Variants in ANK3 observed in about 807,000 individuals in gnomAD.
ANK3 encodes ankyrin 3.
A neutral mutation model predicts 370.9 loss-of-function variants in ANK3; 57 were observed. The observed-to-expected ratio is 0.15, with a 90% CI of 0.12 to 0.19. The LOEUF (loss-of-function observed/expected upper bound fraction) is 0.19. ANK3 is among the 10% of genes least tolerant of loss of function. The pLI, the probability that ANK3 is intolerant of heterozygous loss-of-function variation, is 1.00. For synonymous variants in ANK3, 1,929 were observed against 1,946.3 expected (o/e 0.99, Z 0.23); for missense variants, 4,439 against 5,302.1 (o/e 0.84, Z 5.06).
intron 23 of ANK3, among the ~76,000 whole-genome samples, chr10:60,142,303 C>T (rs543592851): frequency 1.9e-4 from 29 of 152,128 alleles, no homozygotes; most frequent in Non-Finnish European, 3.8e-4. Flanking sequence ...ATGAACTTCT[C>T]TAATCTTTGA....
At chr10:60,312,824 T>C (rs183014459) in intron 1 of ANK3, among the ~76,000 whole-genome samples, 1 of 152,376 alleles carries the variant, frequency 6.6e-6, no homozygotes, top group African/African-American at 2.4e-5. Flanking sequence ...TTCCTTTCCA[T>C]GCAGCAACAA....
At chr10:60,328,681 T>A (rs1381545952) in intron 1 of ANK3, among the ~76,000 whole-genome samples, 2 of 152,186 alleles carry the variant, frequency 1.3e-5, no homozygotes, top group African/African-American at 4.8e-5. Context: ...CAGGACCAGA[T>A]GAATTCACAG....
intron 40 of ANK3, 120 bp from the exon 41 acceptor site, chr10:60,059,550 G>A: frequency 8.1e-7 from 1 of 1,228,120 alleles, no homozygotes; most frequent in Non-Finnish European, 1.2e-6. Flanking sequence ...CTCAAATAGA[G>A]ATTTGAGTTT....
rs942901547 is a variant in ANK3 at position 60,549,123 on chromosome 10, G to T, written c.96+66063C>A. On this transcript the variant is annotated intron_variant, in intron 2 of 43. Coordinates refer to the ANK3 transcript ENST00000373827. ...CAATAATTGCTACACAAATGAGTGA[G>T]AGAAGGGCATGTTTCATACACACAC... Among the ~76,000 whole-genome samples, 3 of 144,282 alleles carry T rather than the reference G, an allele frequency of 2.1e-5. No individual in the cohort carries two copies. The East Asian group carries it at 6.3e-4, about 30-fold the overall frequency. 94.7% of individuals were successfully genotyped at this position (144,282 alleles called of 152,430 possible). A position where few individuals can be genotyped will look rare whatever the true frequency, so the allele number is the denominator to read the frequency against.
chr10:60,621,220 G>A (rs952357131), intron 1 of ANK3, among the ~76,000 whole-genome samples: 14 of 152,206 alleles, frequency 9.2e-5, no homozygotes, highest in African/African-American at 3.4e-4. Flanking sequence ...CACCTGCCAA[G>A]ATGTTGAAGA....
chr10:60,676,823 T>C (rs934629564), intron 1 of ANK3, among the ~76,000 whole-genome samples: 5 of 152,166 alleles, frequency 3.3e-5, no homozygotes, highest in African/African-American at 1.2e-4. Flanking sequence ...CTAGTGTTCT[T>C]TAGCACAGTA....
chr10:60,695,299 A>G (rs2079429089), intron 1 of ANK3, among the ~76,000 whole-genome samples: 1 of 151,976 alleles, frequency 6.6e-6, no homozygotes, highest in Admixed American at 6.6e-5. Context: ...CACATTAATA[A>G]TGGGAGACTT....
intron 2 of ANK3, among the ~76,000 whole-genome samples, chr10:60,469,659 G>A (rs1329883765): frequency 2.6e-4 from 1 of 3,834 alleles, no homozygotes; most frequent in Non-Finnish European, 4.9e-4. Context: ...ATATATGGTG[G>A]TATATATATA....
chr10:60,128,528 C>T (rs1485525626), intron 25 of ANK3, among the ~76,000 whole-genome samples: 1 of 151,970 alleles, frequency 6.6e-6, no homozygotes, highest in Non-Finnish European at 1.5e-5. Flanking sequence ...TACAGGCGTG[C>T]ACCACTACCA....
At chr10:60,602,797 T>C (rs2078081792) in intron 2 of ANK3, among the ~76,000 whole-genome samples, 1 of 152,178 alleles carries the variant, frequency 6.6e-6, no homozygotes, top group Admixed American at 6.5e-5. Context: ...ATCATCATGA[T>C]ATCAAAAATA....
rs1232018942 is a variant in ANK3 at position 60,583,503 on chromosome 10, GGTTTTTT to G, written c.96+31676_96+31682del. Among the ~76,000 whole-genome samples, 14 of 147,240 alleles carry G rather than the reference GGTTTTTT, an allele frequency of 9.5e-5. 4 individuals carry two copies. In the East Asian group the frequency reaches 1.3e-3, roughly 13 times the overall value. On this transcript the variant is annotated intron_variant, in intron 2 of 43. Coordinates refer to the ANK3 transcript ENST00000373827. ...TATATTTCCATATAGCTTACAGAGA[GGTTTTTT>G]GTTTTTTGTTTTTTGTTTTTTTTTG...
intron 2 of ANK3, among the ~76,000 whole-genome samples, chr10:60,553,674 G>A (rs568440475): frequency 1.3e-5 from 2 of 152,254 alleles, no homozygotes; most frequent in East Asian, 3.9e-4. Flanking sequence ...CCTGGGGCAG[G>A]GGGAGGAGGT....
intron 2 of ANK3, among the ~76,000 whole-genome samples, chr10:60,500,848 A>C (rs913688242): frequency 6.6e-6 from 1 of 152,212 alleles, no homozygotes; most frequent in South Asian, 2.1e-4. Flanking sequence ...CTCACCTTGA[A>C]ATCTGTCACA....
At chr10:60,510,420 G>A (rs1243587144) in intron 2 of ANK3, among the ~76,000 whole-genome samples, 3 of 152,124 alleles carry the variant, frequency 2.0e-5, no homozygotes, top group African/African-American at 7.2e-5. Flanking sequence ...CATGTGCCAA[G>A]TACAATACTA....
At chr10:60,716,814 C>A (rs990028040) in intron 1 of ANK3, among the ~76,000 whole-genome samples, 1 of 152,160 alleles carries the variant, frequency 6.6e-6, no homozygotes, top group Non-Finnish European at 1.5e-5. Context: ...CTGTGCCCAG[C>A]CTTCATCAAT....
intron 1 of ANK3, among the ~76,000 whole-genome samples, chr10:60,328,612 A>T (rs920913691): frequency 1.3e-4 from 20 of 152,198 alleles, no homozygotes; most frequent in South Asian, 4.1e-4. Flanking sequence ...CCCTGAATGG[A>T]CCAATAACAA....
At chr10:60,608,961 A>G (rs1422167539) in intron 2 of ANK3, among the ~76,000 whole-genome samples, 2 of 152,136 alleles carry the variant, frequency 1.3e-5, no homozygotes, top group Non-Finnish European at 2.9e-5. Flanking sequence ...TTATACTTTA[A>G]CATTTTTTTA....
In ANK3 at chr10:60,319,027, T is replaced by C. The variant is rs577602368; in HGVS notation, c.115-39388A>G. ...CAGCAGCGCCTTGCAGAGCCTAATG[T>C]ACTTGGTAATGAGGACTTGCACTCT... On this transcript the variant is annotated intron_variant, in intron 1 of 43. Transcript: ENST00000280772. Among the ~76,000 whole-genome samples the C allele has an allele frequency of 7.0e-4, 107 of 152,324 alleles. No individual in the cohort carries two copies. The Middle Eastern group carries it at 0.017, about 24-fold the overall frequency.
intron 23 of ANK3, among the ~76,000 whole-genome samples, chr10:60,145,674 A>T (rs1420634713): frequency 6.6e-6 from 1 of 152,228 alleles, no homozygotes; most frequent in African/African-American, 2.4e-5. Flanking sequence ...TAGAATATAC[A>T]GAAAATAGGA....
Sources: gnomAD v4.1 joint callset for allele counts (sites outside exome capture counted in the v4.1 genomes callset) on GRCh38, gnomAD v4.1.1 for gene constraint, MANE v1.5 for transcripts, NCBI Gene and HGNC (gene_info 2026-07-23, HGNC 2026-07-21) for gene names.